The following ERC1 variants were observed in gnomAD, a reference collection of about 807,000 sequenced individuals.
ERC1 encodes the protein RAB6 interacting protein 2.
A neutral mutation model predicts 132.0 loss-of-function variants in ERC1; 56 were observed. That is an observed-to-expected ratio of 0.42 (90% confidence interval 0.34 to 0.53). ERC1 has a LOEUF of 0.53. Ranked by LOEUF, ERC1 falls within the 20% of genes least tolerant of loss-of-function variation. ERC1 has a pLI of 0.03. For synonymous variants in ERC1, 478 were observed against 476.1 expected, an observed-to-expected ratio of 1.00 and a Z score of -0.05; for missense variants, 1,202 against 1,349.9, an observed-to-expected ratio of 0.89 and a Z score of 1.72.
chr12:1,209,902 G>T (rs541473547), intron 12 of ERC1, among the ~76,000 whole-genome samples: 15 of 152,144 alleles, frequency 9.9e-5, no homozygotes, highest in African/African-American at 3.1e-4. Flanking sequence ...TATAAAAATC[G>T]ACCTTTCCTT....
intron 7 of ERC1, among the ~76,000 whole-genome samples, chr12:1,126,877 A>C (rs185146422): frequency 2.2e-4 from 33 of 151,716 alleles, no homozygotes; most frequent in Non-Finnish European, 3.7e-4. Flanking sequence ...AGTCCCAGCT[A>C]CTCAGGAGGC....
chr12:1,484,836 G>C (rs111293618), intron 18 of ERC1, among the ~76,000 whole-genome samples: 2 of 151,976 alleles, frequency 1.3e-5, no homozygotes, highest in African/African-American at 4.8e-5. Context: ...TGCCACCTCA[G>C]CCTCCCAAAG....
At chr12:1,375,035 C>T (rs547413828) in intron 16 of ERC1, among the ~76,000 whole-genome samples, 27 of 152,186 alleles carry the variant, frequency 1.8e-4, no homozygotes, top group African/African-American at 6.0e-4. Context: ...GCACAGTGCT[C>T]GTCTTAAGGG....
intron 8 of ERC1, among the ~76,000 whole-genome samples, chr12:1,160,160 G>T (rs1007016220): frequency 1.3e-5 from 2 of 152,106 alleles, no homozygotes; most frequent in African/African-American, 4.8e-5. Flanking sequence ...TTGATTGAAG[G>T]ATTGTCAATC....
At chr12:1,426,672 T>C (rs747650337) in intron 17 of ERC1, among the ~76,000 whole-genome samples, 1 of 152,188 alleles carries the variant, frequency 6.6e-6, no homozygotes, top group Non-Finnish European at 1.5e-5. Flanking sequence ...TCGTCTAGTG[T>C]GGTATAGTAA....
intron 18 of ERC1, among the ~76,000 whole-genome samples, chr12:1,473,316 T>C (rs541357336): frequency 7.9e-5 from 12 of 152,314 alleles, no homozygotes; most frequent in Admixed American, 2.6e-4. Flanking sequence ...TGTGAGCCAC[T>C]GCGCCCGGCC....
chr12:1,438,605 C>A (rs909423715), intron 17 of ERC1, among the ~76,000 whole-genome samples: 1 of 152,064 alleles, frequency 6.6e-6, no homozygotes, highest in African/African-American at 2.4e-5. Context: ...AATAATTTGC[C>A]AGGAAGACAA....
At chr12:1,154,307 ATATG>A (rs1951143710) in intron 8 of ERC1, among the ~76,000 whole-genome samples, 2 of 150,040 alleles carry the variant, frequency 1.3e-5, no homozygotes, top group Admixed American at 1.3e-4. Context: ...ACGTGCATAT[ATATG>A]TGTGTGTGTA....
chr12:1,438,257 CTT>C (rs2092999969), intron 17 of ERC1, among the ~76,000 whole-genome samples: 1 of 152,190 alleles, frequency 6.6e-6, no homozygotes, highest in African/African-American at 2.4e-5. Context: ...AGGGTAAAGA[CTT>C]TGAGGCAGAA....
chr12:1,399,665 C>T lies in ERC1; in HGVS notation c.2926-8484C>T, dbSNP rs182743471. Reference sequence around the variant, plus strand: ...TACTATGTTGCCTTTTGCAGGACTTCTTTAACTTGGCATCATGTTTTCAAG... The same window carrying T: ...TACTATGTTGCCTTTTGCAGGACTTTTTTAACTTGGCATCATGTTTTCAAG... On this transcript the variant is annotated intron_variant, in intron 16 of 18. Coordinates refer to ENST00000360905, the MANE Select transcript of ERC1 (RefSeq NM_178040.4). Among the ~76,000 whole-genome samples the T allele has an allele frequency of 2.0e-3, 306 of 152,314 alleles. 1 individual carries two copies. Among genetic ancestry groups the T allele is most frequent in the Admixed American group, 5.8e-3 (88 of 15,302 alleles).
chr12:1,338,134 G>T (rs1252584544), intron 15 of ERC1, among the ~76,000 whole-genome samples: 1 of 152,138 alleles, frequency 6.6e-6, no homozygotes. Context: ...TACGTTTTCA[G>T]TTGCTTACGC....
chr12:1,335,771 A>G (rs1005721374), intron 15 of ERC1, among the ~76,000 whole-genome samples: 2 of 152,114 alleles, frequency 1.3e-5, no homozygotes, highest in African/African-American at 4.8e-5. Flanking sequence ...CTCCTCCTCA[A>G]TTTATTTGAA....
At chr12:1,483,857 A>AT (rs540267905) in intron 18 of ERC1, among the ~76,000 whole-genome samples, 29 of 150,960 alleles carry the variant, frequency 1.9e-4, no homozygotes, top group Admixed American at 1.4e-3. Flanking sequence ...CATGTGACCG[A>AT]TTTTTTTTGT....
chr12:1,465,025 A>C (rs762499753), intron 18 of ERC1, among the ~76,000 whole-genome samples: 13 of 151,994 alleles, frequency 8.6e-5, no homozygotes, highest in Non-Finnish European at 1.6e-4. Context: ...CCCATGGGAG[A>C]AGAAAGTTCA....
chr12:1,244,539 T>G (rs1439874034), intron 13 of ERC1: 2 of 452,258 alleles, frequency 4.4e-6, no homozygotes, highest in African/African-American at 4.0e-5. Context: ...TGTTTGTTTT[T>G]AAGACAGGGT....
intron 12 of ERC1, among the ~76,000 whole-genome samples, chr12:1,203,578 T>C (rs1957105301): frequency 6.6e-6 from 1 of 152,222 alleles, no homozygotes; most frequent in African/African-American, 2.4e-5. Flanking sequence ...TAAATGGAAA[T>C]GGTGCTTGCA....
rs374689671 is a variant in ERC1 at position 1,092,085 on chromosome 12, GC to G, written c.1086+8510del. ...GCGATCTCGGCTCACTGCAACCTGC[GC>G]CCCCTGGGTTCAAGCGATTCTCCTG... On this transcript the variant is annotated intron_variant, in intron 3 of 18. Coordinates refer to ENST00000360905, the MANE Select transcript of ERC1 (RefSeq NM_178040.4). Among the ~76,000 whole-genome samples, 90 of 149,380 alleles carry G rather than the reference GC, an allele frequency of 6.0e-4. No individual in the cohort carries two copies. In the South Asian group the frequency reaches 0.019, roughly 31 times the overall value.
intron 15 of ERC1, among the ~76,000 whole-genome samples, chr12:1,303,823 G>A (rs554941563): frequency 2.0e-5 from 3 of 151,396 alleles, no homozygotes; most frequent in South Asian, 2.1e-4. Flanking sequence ...GTGTGGTGGC[G>A]CATGCCTGTA....
intron 2 of ERC1, among the ~76,000 whole-genome samples, chr12:1,038,135 A>T (rs1399806784): frequency 6.6e-6 from 1 of 152,098 alleles, no homozygotes; most frequent in East Asian, 1.9e-4. Context: ...AGAAGTGGTC[A>T]CTGGGAGGTC....
Sources: gnomAD v4.1 joint callset for allele counts (sites outside exome capture counted in the v4.1 genomes callset) on GRCh38, gnomAD v4.1.1 for gene constraint, MANE v1.5 for transcripts, NCBI Gene and HGNC (gene_info 2026-07-23, HGNC 2026-07-21) for gene names.